LSAMP: variants seen among roughly 807,000 people sequenced by gnomAD.
LSAMP encodes the protein limbic system associated membrane protein.
In LSAMP, 7 loss-of-function variants were observed where a neutral mutation model predicts 38.6. The ratio of observed to expected loss-of-function variants is 0.18; its 90% CI spans 0.10 to 0.34. LSAMP has a LOEUF of 0.34. Among genes scored for constraint, LSAMP ranks in the 10% least tolerant of loss-of-function variants. The pLI is 1.00. For missense variants in LSAMP, 313 were observed against 420.0 expected (o/e 0.75, Z 2.23); for synonymous variants, 154 against 166.8 (o/e 0.92, Z 0.59).
chr3:116,195,278 A>G (rs1710855886), intron 1 of LSAMP, among the ~76,000 whole-genome samples: 1 of 152,210 alleles, frequency 6.6e-6, no homozygotes, highest in Admixed American at 6.5e-5. Context: ...TGTTACAAAT[A>G]TTTGAATTGA....
intron 1 of LSAMP, among the ~76,000 whole-genome samples, chr3:116,198,051 A>G (rs1314410982): frequency 2.0e-5 from 3 of 152,236 alleles, no homozygotes; most frequent in African/African-American, 7.2e-5. Context: ...AGCAAGAGCC[A>G]TTCGTGGTGA....
intron 1 of LSAMP, among the ~76,000 whole-genome samples, chr3:116,194,905 T>C (rs1190226399): frequency 6.6e-6 from 1 of 152,246 alleles, no homozygotes; most frequent in African/African-American, 2.4e-5. Context: ...TGGGAGAATA[T>C]ACACTTCCAT....
chr3:115,912,857 C>CA (rs1206702846), intron 3 of LSAMP, among the ~76,000 whole-genome samples: 7 of 152,094 alleles, frequency 4.6e-5, no homozygotes, highest in African/African-American at 1.4e-4. Flanking sequence ...ATATACGAGA[C>CA]AAAAAGAACA....
chr3:115,980,631 A>G (rs1022326805), intron 3 of LSAMP, among the ~76,000 whole-genome samples: 14 of 152,172 alleles, frequency 9.2e-5, no homozygotes, highest in Non-Finnish European at 2.9e-5. Flanking sequence ...ACACTTAGAT[A>G]CCTTGAATAA....
intron 1 of LSAMP, among the ~76,000 whole-genome samples, chr3:116,204,861 C>T (rs2107598001): frequency 6.8e-6 from 1 of 146,254 alleles, no homozygotes; most frequent in Admixed American, 6.9e-5. Flanking sequence ...GTTCTTTTGG[C>T]TTAGGATTGC....
intron 1 of LSAMP, among the ~76,000 whole-genome samples, chr3:116,277,990 A>T (rs2047077499): frequency 6.6e-6 from 1 of 152,240 alleles, no homozygotes; most frequent in Non-Finnish European, 1.5e-5. Context: ...CATTATCTGT[A>T]CAAGATATTG....
intron 1 of LSAMP, among the ~76,000 whole-genome samples, chr3:116,398,724 G>T (rs1313875463): frequency 6.6e-6 from 1 of 152,182 alleles, no homozygotes; most frequent in African/African-American, 2.4e-5. Flanking sequence ...TACATTGTCA[G>T]TATAATTGGG....
intron 1 of LSAMP, among the ~76,000 whole-genome samples, chr3:116,169,265 TG>T (rs138260469): frequency 1.3e-5 from 2 of 152,000 alleles, no homozygotes; most frequent in African/African-American, 4.8e-5. Context: ...ATAAGGCATA[TG>T]GGGGGAAAAA....
intron 1 of LSAMP, among the ~76,000 whole-genome samples, chr3:116,226,947 T>G (rs796277274): frequency 3.3e-5 from 5 of 152,334 alleles, no homozygotes; most frequent in African/African-American, 1.2e-4. Flanking sequence ...GGGAATTTTT[T>G]TTCAGAAATA....
At chr3:116,389,492 C>T (rs907676919) in intron 1 of LSAMP, among the ~76,000 whole-genome samples, 1 of 152,126 alleles carries the variant, frequency 6.6e-6, no homozygotes, top group African/African-American at 2.4e-5. Flanking sequence ...CAAAACAGGC[C>T]TGTATTCCTT....
At chr3:115,811,379 T>A (rs1933826449) in intron 6 of LSAMP, among the ~76,000 whole-genome samples, 1 of 152,222 alleles carries the variant, frequency 6.6e-6, no homozygotes. Context: ...CTTGTTCCAT[T>A]TTCTCCATTT....
At chr3:116,390,682 T>C (rs2048680917) in intron 1 of LSAMP, among the ~76,000 whole-genome samples, 1 of 134,118 alleles carries the variant, frequency 7.5e-6, no homozygotes, top group Admixed American at 8.7e-5. Flanking sequence ...TGAGCCCACA[T>C]GACATTGACA....
In LSAMP at chr3:116,399,473, G is replaced by T. The variant is rs573225180; in HGVS notation, c.155+45404C>A. ...AGAGATGTTAAGTGAAATTGGCAGG[G>T]ACACACTATAGAAAACACTGGCAAA... On this transcript the variant is annotated intron_variant, in intron 1 of 6. Coordinates refer to ENST00000490035, the MANE Select transcript of LSAMP (RefSeq NM_002338.5). Among the ~76,000 whole-genome samples, 6 of 152,260 alleles carry T rather than the reference G, an allele frequency of 3.9e-5. No individual in the cohort carries two copies. The South Asian group carries it at 1.0e-3, about 26-fold the overall frequency.
rs116745747 is a variant in LSAMP at position 116,083,461 on chromosome 3, G to A, written c.388+2863C>T. Among the ~76,000 whole-genome samples, 344 of 152,268 alleles carry A rather than the reference G, an allele frequency of 2.3e-3. 2 individuals carry two copies. Among genetic ancestry groups the A allele is most frequent in the African/African-American group, 7.8e-3 (324 of 41,556 alleles). On this transcript the variant is annotated intron_variant, in intron 2 of 6. Coordinates refer to ENST00000490035, the MANE Select transcript of LSAMP (RefSeq NM_002338.5). ...AAATTAAGTGGTTTACCCCCAAAGT[G>A]TATTTAAACAGCAAGAATGAAAACA...
rs1446093959 is a variant in LSAMP at position 116,186,107 on chromosome 3, A to G, written c.156-99551T>C. On this transcript the variant is annotated intron_variant, in intron 1 of 6. Transcript: ENST00000490035. ...GACATGTGACAGCATCAAAGAAGTG[A>G]AGCAAAGCTGGAGATTGTGTGTCTG... is the stretch of plus-strand genomic sequence containing the variant. Among the ~76,000 whole-genome samples the G allele has an allele frequency of 3.3e-5, 5 of 152,140 alleles. No individual in the cohort carries two copies. The East Asian group carries it at 9.6e-4, about 29-fold the overall frequency.
intron 1 of LSAMP, among the ~76,000 whole-genome samples, chr3:116,418,740 T>C (rs1432370883): frequency 3.3e-5 from 5 of 152,194 alleles, no homozygotes; most frequent in Non-Finnish European, 7.4e-5. Context: ...CTAATTCTTG[T>C]CTACATTTTC....
intron 6 of LSAMP, among the ~76,000 whole-genome samples, chr3:115,836,647 T>A (rs1332563721): frequency 6.6e-6 from 1 of 151,826 alleles, no homozygotes; most frequent in Non-Finnish European, 1.5e-5. Context: ...CAGCTTTGGT[T>A]TCTTACCTGC....
rs189883504 is a variant in LSAMP, at chr3:116,139,053, G to A, written c.156-52497C>T. On this transcript the variant is annotated intron_variant, in intron 1 of 6. Transcript: ENST00000490035. ...TGCACATTACATATGTATATAATGT[G>A]TATAAGTATATATAATATACATTAT... 5.4e-3 allele frequency among the ~76,000 whole-genome samples: 816 copies of A among 151,698 alleles called. 2 individuals are homozygous for A. Among genetic ancestry groups the A allele is most frequent in the Admixed American group, 0.013 (195 of 15,156 alleles).
chr3:116,197,163 A>ACACACACTCT lies in LSAMP; in HGVS notation c.156-110608_156-110607insAGAGTGTGTG, dbSNP rs1268040540. 1.1e-4 allele frequency among the ~76,000 whole-genome samples: 15 copies of ACACACACTCT among 139,206 alleles called. No homozygotes were observed. In the East Asian group the frequency reaches 1.8e-3, roughly 16 times the overall value. The allele number at this position is 139,206 out of a possible 152,430, so 91.3% of individuals were successfully genotyped here. A position where few individuals can be genotyped will look rare whatever the true frequency, so the allele number is the denominator to read the frequency against. ...CACACACACACACACACACACACAC[A>ACACACACTCT]CTCTCTCTCTCTCTCACTCACTTTG... On this transcript the variant is annotated intron_variant, in intron 1 of 6. Transcript: ENST00000490035.
Sources: gnomAD v4.1 joint callset for allele counts (sites outside exome capture counted in the v4.1 genomes callset) on GRCh38, gnomAD v4.1.1 for gene constraint, MANE v1.5 for transcripts, NCBI Gene and HGNC (gene_info 2026-07-23, HGNC 2026-07-21) for gene names.